The following IGF1 variants were observed in gnomAD, a reference collection of about 807,000 sequenced individuals.
IGF1 encodes the protein insulin-like growth factor 1.
IGF1 carries 4 observed loss-of-function variants against 13.8 expected under a neutral mutation model. The ratio of observed to expected loss-of-function variants is 0.29; its 90% CI spans 0.14 to 0.66. The LOEUF (loss-of-function observed/expected upper bound fraction) is 0.66. Among genes scored for constraint, IGF1 ranks in the 30% least tolerant of loss-of-function variants. The probability of loss-of-function intolerance (pLI) is 0.78; values close to 1 mark genes in which losing one functional copy is unlikely to be tolerated. For missense variants in IGF1, 124 were observed against 188.5 expected, an observed-to-expected ratio of 0.66 and a Z score of 2.00; for synonymous variants, 76 against 72.6, an observed-to-expected ratio of 1.05 and a Z score of -0.23.
intron 2 of IGF1, among the ~76,000 whole-genome samples, chr12:102,451,488 C>A (rs955462796): frequency 1.3e-5 from 2 of 152,106 alleles, no homozygotes; most frequent in African/African-American, 4.8e-5. Context: ...AAATCTAATA[C>A]CAGTTTTTGT....
upstream of IGF1, chr12:102,480,578 A>G: frequency 2.1e-6 from 3 of 1,427,508 alleles, no homozygotes; most frequent in Non-Finnish European, 2.7e-6. Flanking sequence ...ATTTAGAGAA[A>G]ATCCTCACAT....
intron 3 of IGF1, 82 bp from the exon 4 acceptor site, chr12:102,402,648 C>T (rs780224631): frequency 3.1e-5 from 24 of 771,672 alleles, no homozygotes; most frequent in Non-Finnish European, 5.3e-5. Flanking sequence ...CCTCAACCTT[C>T]CATGTCTTAC....
chr12:102,417,303 C>T (rs1875230078), intron 3 of IGF1, among the ~76,000 whole-genome samples: 1 of 152,174 alleles, frequency 6.6e-6, no homozygotes, highest in Admixed American at 6.5e-5. Context: ...TTGGCCTAAA[C>T]CCTGGACTTG....
At chr12:102,435,134 G>A (rs1592775152) in intron 2 of IGF1, among the ~76,000 whole-genome samples, 2 of 152,142 alleles carry the variant, frequency 1.3e-5, no homozygotes, top group East Asian at 1.9e-4. Flanking sequence ...CACAAGAAAA[G>A]TGCATAGGTT....
At chr12:102,407,694 C>T (rs1874293068) in intron 3 of IGF1, among the ~76,000 whole-genome samples, 1 of 152,098 alleles carries the variant, frequency 6.6e-6, no homozygotes, top group African/African-American at 2.4e-5. Flanking sequence ...ATGAGCTGCC[C>T]ATGCTTCCAG....
chr12:102,403,623 ATTTTTTTTTT>A (rs142169670), intron 3 of IGF1, among the ~76,000 whole-genome samples: 22 of 80,586 alleles, frequency 2.7e-4, no homozygotes, highest in East Asian at 3.7e-4. Context: ...TGCCTTGACA[ATTTTTTTTTT>A]TTTTTTTTTT....
chr12:102,449,948 C>T (rs542511067), intron 2 of IGF1, among the ~76,000 whole-genome samples: 1 of 152,160 alleles, frequency 6.6e-6, no homozygotes, highest in Admixed American at 6.5e-5. Context: ...ATTCTCCTTT[C>T]GTCTCATCCA....
At chr12:102,476,410 T>TGAGAGAGAGAGAGAGA (rs36047405) in intron 1 of IGF1, among the ~76,000 whole-genome samples, 1,475 of 139,030 alleles carry the variant, frequency 0.011, 21 homozygotes, top group East Asian at 0.033. Flanking sequence ...TTCCTCAATA[T>TGAGAGAGAGAGAGAGA]GAGAGAGAGA....
At chr12:102,465,984 T>TAAAG (rs1486402103) in intron 2 of IGF1, among the ~76,000 whole-genome samples, 1 of 120,700 alleles carries the variant, frequency 8.3e-6, no homozygotes, top group African/African-American at 3.1e-5. Flanking sequence ...AATAAATAAA[T>TAAAG]AAAGATAACC....
intron 2 of IGF1, among the ~76,000 whole-genome samples, chr12:102,428,747 A>G (rs924064261): frequency 2.0e-5 from 3 of 152,204 alleles, no homozygotes; most frequent in Non-Finnish European, 4.4e-5. Flanking sequence ...TATTGTTGAC[A>G]AGATTGCTTT....
At chr12:102,444,646 G>A (rs1171220868) in intron 2 of IGF1, among the ~76,000 whole-genome samples, 1 of 151,970 alleles carries the variant, frequency 6.6e-6, no homozygotes, top group Non-Finnish European at 1.5e-5. Flanking sequence ...TCTTCTTGCA[G>A]AACTAAGCTC....
intron 2 of IGF1, among the ~76,000 whole-genome samples, chr12:102,450,188 C>A (rs1442983623): frequency 6.6e-6 from 1 of 152,140 alleles, no homozygotes; most frequent in African/African-American, 2.4e-5. Flanking sequence ...CATTCTTTTT[C>A]TTTTTCCTCA....
At chr12:102,464,175 G>A (rs1195643959) in intron 2 of IGF1, among the ~76,000 whole-genome samples, 1 of 152,062 alleles carries the variant, frequency 6.6e-6, no homozygotes, top group East Asian at 1.9e-4. Flanking sequence ...TTCATAAGTA[G>A]ACCTTATTGG....
At chr12:102,420,465 G>A (rs945325057) in intron 2 of IGF1, among the ~76,000 whole-genome samples, 1 of 152,196 alleles carries the variant, frequency 6.6e-6, no homozygotes, top group Non-Finnish European at 1.5e-5. Flanking sequence ...CACAGCACCT[G>A]ACATATAGTG....
intron 3 of IGF1, among the ~76,000 whole-genome samples, chr12:102,413,753 T>C (rs768681073): frequency 2.0e-5 from 3 of 152,202 alleles, no homozygotes; most frequent in Non-Finnish European, 2.9e-5. Flanking sequence ...TGAAAGCACG[T>C]ATTACACTTA....
At chr12:102,421,475 A>G (rs1384557923) in intron 2 of IGF1, among the ~76,000 whole-genome samples, 1 of 152,166 alleles carries the variant, frequency 6.6e-6, no homozygotes, top group African/African-American at 2.4e-5. Context: ...CTAAGTGGCT[A>G]GCCAGTAAAG....
chr12:102,399,251 A>G lies in IGF1; in HGVS notation c.*3256T>C, dbSNP rs1873485979. The G allele has an allele frequency of 6.6e-6, 1 of 152,480 alleles. No individual in the cohort carries two copies. The highest frequency in any genetic ancestry group is 1.5e-5 in the Non-Finnish European group (1 of 67,998). The allele number at this position is 152,480 out of a possible 1,614,324, so 9.4% of individuals were successfully genotyped here. A position where few individuals can be genotyped will look rare whatever the true frequency, so the allele number is the denominator to read the frequency against. On this transcript the variant is annotated 3_prime_UTR_variant, in exon 4 of 4. Transcript: ENST00000337514. ...TCAGGGGAACTGCCTCATCTTAAAA[A>G]GTTCAAATAATACTTTAATATTATT...
intron 2 of IGF1, among the ~76,000 whole-genome samples, chr12:102,473,791 T>C (rs1880834753): frequency 6.6e-6 from 1 of 152,244 alleles, no homozygotes; most frequent in Non-Finnish European, 1.5e-5. Context: ...TCCAATATCC[T>C]TAAGTGTCTG....
At chr12:102,473,393 A>G (rs1160778351) in intron 2 of IGF1, among the ~76,000 whole-genome samples, 2 of 152,226 alleles carry the variant, frequency 1.3e-5, no homozygotes, top group Admixed American at 6.5e-5. Flanking sequence ...TGCTCCATCA[A>G]TGTTTTGAAT....
Sources: gnomAD v4.1 joint callset for allele counts (sites outside exome capture counted in the v4.1 genomes callset) on GRCh38, gnomAD v4.1.1 for gene constraint, MANE v1.5 for transcripts, NCBI Gene and HGNC (gene_info 2026-07-23, HGNC 2026-07-21) for gene names.